Variants in DPP6 observed in about 807,000 individuals in gnomAD.
DPP6 encodes A-type potassium channel modulatory protein DPP6.
Under a neutral mutation model 122.6 loss-of-function variants are expected in DPP6, and 69 were observed. That is an observed-to-expected ratio of 0.56 (90% confidence interval 0.46 to 0.69). The LOEUF is 0.69. DPP6 is among the 30% of genes least tolerant of loss of function. The pLI is 0.00. For missense variants in DPP6, 928 were observed against 1,116.9 expected (o/e 0.83, Z 2.41); for synonymous variants, 418 against 433.1 (o/e 0.97, Z 0.43).
intron 1 of DPP6, chr7:154,038,398 G>A (rs1017619118): frequency 1.7e-5 from 1 of 57,388 alleles, no homozygotes. Flanking sequence ...AAAAAATCAC[G>A]TGCTGATTTT....
At chr7:153,778,352 G>T in the DPP6 span, among the ~76,000 whole-genome samples, 1 of 152,002 alleles carries the variant, frequency 6.6e-6, no homozygotes, top group African/African-American at 2.4e-5. Context: ...TGCAGAGATG[G>T]GTACAAAAAT....
intron 1 of DPP6, among the ~76,000 whole-genome samples, chr7:154,331,050 C>T (rs960160281): frequency 3.3e-5 from 5 of 152,192 alleles, no homozygotes; most frequent in Admixed American, 2.6e-4. Flanking sequence ...ACCACGATTG[C>T]TGGTGGCAGT....
At chr7:154,873,323 C>A (rs1240169162) in intron 19 of DPP6, among the ~76,000 whole-genome samples, 2 of 152,228 alleles carry the variant, frequency 1.3e-5, no homozygotes, top group East Asian at 1.9e-4. Context: ...TGTCCACGCG[C>A]TGACACCGCA....
At chr7:154,083,491 CCA>C (rs1804182357) in intron 1 of DPP6, among the ~76,000 whole-genome samples, 1 of 150,766 alleles carries the variant, frequency 6.6e-6, no homozygotes, top group Non-Finnish European at 1.5e-5. Context: ...TCCTGGTCAC[CCA>C]AGCCTCCATC....
At chr7:154,432,721 G>T (rs376387951) in intron 1 of DPP6, among the ~76,000 whole-genome samples, 1 of 152,112 alleles carries the variant, frequency 6.6e-6, no homozygotes, top group Non-Finnish European at 1.5e-5. Flanking sequence ...CATGCTGAGC[G>T]TGGGTTTCAA....
rs199988830 is a variant in DPP6, at chr7:154,259,625, AGGAATGTCACT to A, written c.244-186576_244-186566del. Among the ~76,000 whole-genome samples the A allele has an allele frequency of 8.9e-3, 1,348 of 152,278 alleles. 24 individuals are homozygous for A. Among genetic ancestry groups the A allele is most frequent in the African/African-American group, 0.03 (1,241 of 41,542 alleles). The stretch of plus-strand genomic sequence containing the variant: ...GCTGGGCTGGCTGTGATAAATACTG[AGGAATGTCACT>A]GGAATGTCACTGCAAAGGAGGTGTT... On this transcript the variant is annotated intron_variant, in intron 1 of 25. Transcript: ENST00000377770.
chr7:154,638,821 C>T lies in DPP6; in HGVS notation c.680+948C>T, dbSNP rs865970237. 2.6e-5 allele frequency among the ~76,000 whole-genome samples: 4 copies of T among 152,298 alleles called. 1 individual carries two copies. In the Middle Eastern group the frequency reaches 0.01, roughly 389 times the overall value. ...ATTTCTTCGTCTCCTCTTCCCTCCT[C>T]CTTCCCTCCCCTATTCTCATTCCCT... On this transcript the variant is annotated intron_variant, in intron 6 of 25. Coordinates refer to ENST00000377770, the MANE Select transcript of DPP6 (RefSeq NM_130797.4).
rs1382494537 is a variant in DPP6, at chr7:154,821,653, TA to T, written c.1666+14542del. On this transcript the variant is annotated intron_variant, in intron 16 of 25. Coordinates refer to ENST00000377770, the MANE Select transcript of DPP6 (RefSeq NM_130797.4). This position sits in a 1 kb window ranked among gnomAD's most constrained non-coding sequence, Gnocchi z 4.2. ...GTATATATATATATATATACACATA[TA>T]TATATATATACACATATATATATAC... is the stretch of plus-strand genomic sequence containing the variant. Among the ~76,000 whole-genome samples, 2 of 107,092 alleles carry T rather than the reference TA, an allele frequency of 1.9e-5. No individual in the cohort carries two copies. Among genetic ancestry groups the T allele is most frequent in the Admixed American group, 8.5e-5 (1 of 11,704 alleles). 70.3% of individuals were successfully genotyped at this position (107,092 alleles called of 152,430 possible). A position where few individuals can be genotyped will look rare whatever the true frequency, so the allele number is the denominator to read the frequency against.
chr7:154,438,712 G>A (rs1338499970), intron 1 of DPP6, among the ~76,000 whole-genome samples: 2 of 151,978 alleles, frequency 1.3e-5, no homozygotes, highest in Non-Finnish European at 2.9e-5. Context: ...CTCTCATTCT[G>A]TAAATCTGCT....
chr7:153,939,757 C>A (rs1206972946), intron 1 of DPP6, among the ~76,000 whole-genome samples: 1 of 152,198 alleles, frequency 6.6e-6, no homozygotes, highest in Non-Finnish European at 1.5e-5. Context: ...ATTGCACAGA[C>A]TTTCATCATA....
At chr7:153,759,144 C>T in the DPP6 span, among the ~76,000 whole-genome samples, 2 of 152,096 alleles carry the variant, frequency 1.3e-5, no homozygotes, top group African/African-American at 4.8e-5. Context: ...AAGCATTTTA[C>T]AGATGCTTAT....
At chr7:153,835,207 A>T in the DPP6 span, among the ~76,000 whole-genome samples, 1 of 152,196 alleles carries the variant, frequency 6.6e-6, no homozygotes, top group Non-Finnish European at 1.5e-5. Flanking sequence ...AATGCCTGAC[A>T]AGTAATTTAG....
chr7:154,391,016 G>T (rs1056941231), intron 1 of DPP6, among the ~76,000 whole-genome samples: 1 of 152,248 alleles, frequency 6.6e-6, no homozygotes, highest in East Asian at 1.9e-4. Context: ...TGTAAAATGG[G>T]GCGGATCAGC....
chr7:153,910,569 C>G (rs1014838916), intron 1 of DPP6, among the ~76,000 whole-genome samples: 1 of 152,136 alleles, frequency 6.6e-6, no homozygotes, highest in Non-Finnish European at 1.5e-5. Context: ...GTTCTGAAGA[C>G]TTCTAAATTT....
chr7:154,890,526 A>C (rs1388671641), intron 25 of DPP6: 1 of 152,232 alleles, frequency 6.6e-6, no homozygotes, highest in East Asian at 1.9e-4. Flanking sequence ...TGTTAAGCAC[A>C]CTGACCATGG....
intron 1 of DPP6, among the ~76,000 whole-genome samples, chr7:154,208,529 T>C (rs1799574611): frequency 1.3e-5 from 2 of 152,352 alleles, no homozygotes; most frequent in South Asian, 4.1e-4. Context: ...GAATAAATAT[T>C]AAGTAAGCGC....
chr7:153,947,446 ATCT>A (rs1328961986), intron 1 of DPP6, among the ~76,000 whole-genome samples: 1 of 152,198 alleles, frequency 6.6e-6, no homozygotes, highest in African/African-American at 2.4e-5. Context: ...ATTTACCTCT[ATCT>A]TCTTAAGTTC....
intron 1 of DPP6, among the ~76,000 whole-genome samples, chr7:154,437,477 C>A (rs1438936743): frequency 6.6e-6 from 1 of 152,172 alleles, no homozygotes; most frequent in Non-Finnish European, 1.5e-5. Flanking sequence ...GGGGCCCATA[C>A]TACAAGGCTG....
chr7:154,551,488 A>G (rs1053739069), intron 4 of DPP6, among the ~76,000 whole-genome samples: 4 of 152,196 alleles, frequency 2.6e-5, no homozygotes, highest in African/African-American at 7.2e-5. Context: ...TAATTGTTCA[A>G]TTAAGCATTT....
Sources: gnomAD v4.1 joint callset for allele counts (sites outside exome capture counted in the v4.1 genomes callset) on GRCh38, gnomAD v4.1.1 for gene constraint, Gnocchi (gnomAD v3.1) non-coding constraint, MANE v1.5 for transcripts, NCBI Gene and HGNC (gene_info 2026-07-23, HGNC 2026-07-21) for gene names.